The following NFIB variants were observed in gnomAD, a reference collection of about 807,000 sequenced individuals.
The protein encoded by NFIB is nuclear factor 1 B-type.
Under a neutral mutation model 61.5 loss-of-function variants are expected in NFIB, and 11 were observed. The observed-to-expected ratio is 0.18, with a 90% CI of 0.11 to 0.30. The LOEUF (loss-of-function observed/expected upper bound fraction) is 0.30. Ranked by LOEUF, NFIB falls within the 10% of genes least tolerant of loss-of-function variation. NFIB has a pLI of 1.00. For synonymous variants in NFIB, 260 were observed against 216.5 expected (o/e 1.20, Z -1.76); for missense variants, 471 against 608.9 (o/e 0.77, Z 2.38).
At chr9:14,520,839 A>G in the NFIB span, among the ~76,000 whole-genome samples, 1 of 152,220 alleles carries the variant, frequency 6.6e-6, no homozygotes, top group Non-Finnish European at 1.5e-5. Flanking sequence ...AGATTATTTC[A>G]GTTCTATGTA....
upstream of NFIB, among the ~76,000 whole-genome samples, chr9:14,402,283 C>G (rs1173912352): frequency 6.6e-6 from 1 of 152,190 alleles, no homozygotes; most frequent in Non-Finnish European, 1.5e-5. Flanking sequence ...GCATATAAAT[C>G]ATTAGCTTTA....
intron 2 of NFIB, among the ~76,000 whole-genome samples, chr9:14,290,516 T>A (rs991010299): frequency 1.3e-5 from 2 of 151,990 alleles, no homozygotes; most frequent in African/African-American, 2.4e-5. Flanking sequence ...AAACTGAATC[T>A]TAGAAAATAA....
At chr9:14,417,840 G>C in the NFIB span, among the ~76,000 whole-genome samples, 1 of 145,480 alleles carries the variant, frequency 6.9e-6, no homozygotes, top group Non-Finnish European at 1.5e-5. Flanking sequence ...GAATGCAATG[G>C]TGCGATCTCG....
At chr9:14,364,299 G>C (rs2061274718) in intron 1 of NFIB, among the ~76,000 whole-genome samples, 1 of 152,116 alleles carries the variant, frequency 6.6e-6, no homozygotes, top group African/African-American at 2.4e-5. Context: ...GCTTTGTGAA[G>C]TTTGTTGGCT....
chr9:14,387,915 C>T (rs184386263), intron 1 of NFIB, among the ~76,000 whole-genome samples: 1 of 152,226 alleles, frequency 6.6e-6, no homozygotes, highest in East Asian at 1.9e-4. Context: ...AGGAGGTGCC[C>T]ATTTAGGGGG....
rs2032298185 is a variant in NFIB at position 14,083,181 on chromosome 9, T to A, written c.*5128A>T. ...AATTGACCGTCTCCAACTTGTCCCCTTTACTATTAACAATGTGACCAACAG... is the reference window on the plus strand; with the variant it reads ...AATTGACCGTCTCCAACTTGTCCCCATTACTATTAACAATGTGACCAACAG... On this transcript the variant is annotated 3_prime_UTR_variant, in exon 11 of 11. Transcript: ENST00000380953. The A allele has an allele frequency of 4.5e-6, 1 of 220,806 alleles. No individual in the cohort carries two copies. Among genetic ancestry groups the A allele is most frequent in the African/African-American group, 2.2e-5 (1 of 44,516 alleles). The allele number at this position is 220,806 out of a possible 1,614,324, so 13.7% of individuals were successfully genotyped here.
Position 14,083,067 on chromosome 9 carries a change from G to C in NFIB, c.*5242C>G, listed in dbSNP as rs933867499. ...GAATTGCAACACACAGATATTTCTA[G>C]AGTATTAACTAGTGAACCCTTTTAT... is the stretch of plus-strand genomic sequence containing the variant. On this transcript the variant is annotated 3_prime_UTR_variant, in exon 11 of 11. Transcript: ENST00000380953. The C allele has an allele frequency of 5.0e-6, 1 of 200,420 alleles. No individual in the cohort carries two copies. Among genetic ancestry groups the C allele is most frequent in the Non-Finnish European group, 1.0e-5 (1 of 99,954 alleles). 12.4% of individuals were successfully genotyped at this position (200,420 alleles called of 1,614,324 possible). A position where few individuals can be genotyped will look rare whatever the true frequency, so the allele number is the denominator to read the frequency against.
At chr9:14,130,220 C>T (rs1360457234) in intron 6 of NFIB, among the ~76,000 whole-genome samples, 1 of 152,164 alleles carries the variant, frequency 6.6e-6, no homozygotes, top group East Asian at 1.9e-4. Flanking sequence ...TTTCTCATTG[C>T]AAGATCTACC....
At chr9:14,109,903 G>C (rs1381261636) in intron 10 of NFIB, among the ~76,000 whole-genome samples, 1 of 152,002 alleles carries the variant, frequency 6.6e-6, no homozygotes, top group Non-Finnish European at 1.5e-5. Flanking sequence ...GTATTCCCAA[G>C]CAGTTAGCAA....
chr9:14,296,854 A>G (rs2059475193), intron 2 of NFIB, among the ~76,000 whole-genome samples: 1 of 152,274 alleles, frequency 6.6e-6, no homozygotes, highest in Non-Finnish European at 1.5e-5. Context: ...GTCTTAAGCA[A>G]TTCAAAATTC....
chr9:14,349,155 A>G (rs932258353), intron 1 of NFIB, among the ~76,000 whole-genome samples: 12 of 152,156 alleles, frequency 7.9e-5, no homozygotes, highest in Admixed American at 5.9e-4. Context: ...TGAATGGGGG[A>G]GCGAAGCTAG....
Position 14,113,032 on chromosome 9 carries a change from G to T in NFIB, c.1434C>A (p.Ser478Arg). 6.5e-7 allele frequency: 1 copy of T among 1,550,354 alleles called. No individual in the cohort carries two copies. Among genetic ancestry groups the T allele is most frequent in the African/African-American group, 1.4e-5 (1 of 73,116 alleles). ...TSQANRYVGLSPRDPSFLHQQ... is the reference protein window; with the variant it reads ...TSQANRYVGLRPRDPSFLHQQ... Reference sequence around the variant, plus strand: ...GATGTAGGAAGGATGGGTCTCTTGGGCTTAGTCCCACATATCGATTGGCTT... The same window carrying T: ...GATGTAGGAAGGATGGGTCTCTTGGTCTTAGTCCCACATATCGATTGGCTT... Residue 478 changes from serine (S) to arginine (R), a missense_variant, in exon 10 of 11, where the codon AGC (serine) becomes AGA (arginine). Transcript: ENST00000380953.
At position 14,307,519 on chromosome 9, in the gene NFIB, T is replaced by A; in HGVS notation, c.32A>T (p.Asp11Val). Residue 11 changes from aspartate (D) to valine (V), a missense_variant and splice_region_variant, in exon 2 of 11, where the codon GAT becomes GTT. This residue lies in a region of NFIB where 99 missense variants were observed against 213.3 expected (regional missense o/e 0.46). Transcript: ENST00000380953. The surrounding 1 kb of genome is among the most constrained non-coding windows in gnomAD (Gnocchi z 5.3). MMYSPICLTQ[D>V]EFHPFIEALL... ...TGCCTCGATGAATGGGTGAAATTCA[T>A]CCTGTGGAAGACAGAGGGGTGAGGA... The A allele has an allele frequency of 1.9e-6, 3 of 1,598,792 alleles. No individual in the cohort carries two copies. Among genetic ancestry groups the A allele is most frequent in the Non-Finnish European group, 2.6e-6 (3 of 1,170,554 alleles).
chr9:14,281,167 C>G (rs1291706508), intron 2 of NFIB, among the ~76,000 whole-genome samples: 1 of 152,098 alleles, frequency 6.6e-6, no homozygotes, highest in Non-Finnish European at 1.5e-5. Flanking sequence ...TAATCAAAGG[C>G]TTGACAGTTG....
chr9:14,507,458 CTTTAGATA>C, the NFIB span, among the ~76,000 whole-genome samples: 1 of 152,094 alleles, frequency 6.6e-6, no homozygotes, highest in Non-Finnish European at 1.5e-5. Flanking sequence ...TTACTAATTC[CTTTAGATA>C]TATGTAACAT....
chr9:14,190,648 T>C (rs1023569092), intron 2 of NFIB, among the ~76,000 whole-genome samples: 25 of 152,198 alleles, frequency 1.6e-4, no homozygotes, highest in Non-Finnish European at 2.8e-4. Context: ...GAGGAGACAG[T>C]AATTTCCTCT....
chr9:14,159,758 T>C (rs933935920), intron 3 of NFIB, among the ~76,000 whole-genome samples: 2 of 152,356 alleles, frequency 1.3e-5, no homozygotes, highest in East Asian at 1.9e-4. Flanking sequence ...TGAGAGGATT[T>C]TGAAATGGGC....
chr9:14,272,574 A>G (rs2057705119), intron 2 of NFIB, among the ~76,000 whole-genome samples: 1 of 152,012 alleles, frequency 6.6e-6, no homozygotes, highest in Non-Finnish European at 1.5e-5. Flanking sequence ...CAGTTTCATA[A>G]AACATAAATC....
chr9:14,296,998 C>T (rs1588195728), intron 2 of NFIB, among the ~76,000 whole-genome samples: 1 of 152,324 alleles, frequency 6.6e-6, no homozygotes, highest in South Asian at 2.1e-4. Context: ...TCTTCAACTC[C>T]CTACAACACG....
Sources: gnomAD v4.1 joint callset for allele counts (sites outside exome capture counted in the v4.1 genomes callset) on GRCh38, gnomAD v4.1.1 for gene constraint, gnomAD v4.1.1 regional missense constraint, Gnocchi (gnomAD v3.1) non-coding constraint, MANE v1.5 for transcripts, NCBI Gene and HGNC (gene_info 2026-07-23, HGNC 2026-07-21) for gene names.